Variants in SARDH observed in about 807,000 individuals in gnomAD.
SARDH encodes sarcosine dehydrogenase, mitochondrial.
SARDH carries 95 observed loss-of-function variants against 109.1 expected under a neutral mutation model. The ratio of observed to expected loss-of-function variants is 0.87; its 90% CI spans 0.74 to 1.03. The LOEUF (loss-of-function observed/expected upper bound fraction) is 1.03. SARDH is among the 50% of genes least tolerant of loss of function. The pLI is 0.00. For synonymous variants in SARDH, 572 were observed against 534.8 expected, an observed-to-expected ratio of 1.07 and a Z score of -0.96; for missense variants, 1,267 against 1,287.8, an observed-to-expected ratio of 0.98 and a Z score of 0.25.
intron 18 of SARDH, among the ~76,000 whole-genome samples, chr9:133,671,174 C>A (rs1830334048): frequency 6.6e-6 from 1 of 152,180 alleles, no homozygotes; most frequent in Non-Finnish European, 1.5e-5. Context: ...ACAGCACCTG[C>A]TCCCTGGCTC....
At chr9:133,731,202 A>G (rs1322729618) in intron 4 of SARDH, 103 bp downstream of exon 4, 2 of 1,434,540 alleles carry the variant, frequency 1.4e-6, no homozygotes, top group Admixed American at 2.0e-5. Flanking sequence ...GTCACACAGC[A>G]GTCAGAGAAT....
chr9:133,668,296 TCCC>T (rs1830148894), intron 19 of SARDH, among the ~76,000 whole-genome samples: 10 of 99,936 alleles, frequency 1.0e-4, no homozygotes, highest in African/African-American at 1.6e-4. Flanking sequence ...TCCCTCTCCC[TCCC>T]TCTCCCTCCC....
chr9:133,688,130 C>T (rs980452892), intron 16 of SARDH, among the ~76,000 whole-genome samples: 5 of 152,196 alleles, frequency 3.3e-5, no homozygotes, highest in African/African-American at 1.2e-4. Flanking sequence ...ATTCCAAGGA[C>T]CAGGCCTTGA....
At chr9:133,688,902 T>C (rs1440372781) in intron 16 of SARDH, among the ~76,000 whole-genome samples, 1 of 152,194 alleles carries the variant, frequency 6.6e-6, no homozygotes, top group African/African-American at 2.4e-5. Flanking sequence ...TCCGATTCTA[T>C]CCCTTCCTCA....
downstream of SARDH, among the ~76,000 whole-genome samples, chr9:133,659,869 G>A (rs908180533): frequency 2.0e-5 from 3 of 152,010 alleles, no homozygotes; most frequent in East Asian, 2.0e-4. Flanking sequence ...CTCTTCCCGC[G>A]ATCACACCCA....
At chr9:133,734,726 GA>G (rs1381034280) in intron 1 of SARDH, among the ~76,000 whole-genome samples, 1 of 152,222 alleles carries the variant, frequency 6.6e-6, no homozygotes, top group Non-Finnish European at 1.5e-5. Flanking sequence ...ATGGGGAGGG[GA>G]CTGAGGACAG....
At chr9:133,734,464 T>TTCATTCATTCATTCAC (rs1832814746) in intron 1 of SARDH, among the ~76,000 whole-genome samples, 1 of 150,072 alleles carries the variant, frequency 6.7e-6, no homozygotes, top group African/African-American at 2.5e-5. Context: ...CATTCACTCA[T>TTCATTCATTCATTCAC]TCATTCATTC....
upstream of SARDH, among the ~76,000 whole-genome samples, chr9:133,739,210 G>A (rs549918970): frequency 6.6e-6 from 1 of 152,320 alleles, no homozygotes; most frequent in South Asian, 2.1e-4. Flanking sequence ...TCCTCCTCGC[G>A]CTGGATCAAA....
Position 133,712,444 on chromosome 9 carries a change from C to G in SARDH, c.1328+175G>C, listed in dbSNP as rs1831956291. Among the ~76,000 whole-genome samples, 1 of 150,910 alleles carries G rather than the reference C, an allele frequency of 6.6e-6. No homozygotes were observed. Among genetic ancestry groups the G allele is most frequent in the South Asian group, 2.1e-4 (1 of 4,764 alleles). On this transcript the variant is annotated intron_variant, in intron 10 of 20. Transcript: ENST00000439388. This position sits in a 1 kb window ranked among gnomAD's most constrained non-coding sequence, Gnocchi z 4.1. ...AAAGGGGCGTGGACCTGCCCCCCAGCCACCCCCTCAGCACTGCCCACCTTC... is the reference window on the plus strand; with the variant it reads ...AAAGGGGCGTGGACCTGCCCCCCAGGCACCCCCTCAGCACTGCCCACCTTC...
intron 17 of SARDH, among the ~76,000 whole-genome samples, chr9:133,683,479 C>G (rs775814812): frequency 1.3e-5 from 2 of 152,238 alleles, no homozygotes; most frequent in Non-Finnish European, 2.9e-5. Context: ...GCGTGGACCC[C>G]GGCCTGCTGG....
downstream of SARDH, among the ~76,000 whole-genome samples, chr9:133,661,349 AC>A (rs763642944): frequency 3.4e-3 from 482 of 143,610 alleles, 2 homozygotes; most frequent in African/African-American, 0.011. Flanking sequence ...CAAAAAAAAA[AC>A]AACAACAACA....
At chr9:133,700,818 CTTCTA>C (rs1435577207) in intron 13 of SARDH, among the ~76,000 whole-genome samples, 1 of 152,172 alleles carries the variant, frequency 6.6e-6, no homozygotes, top group Non-Finnish European at 1.5e-5. Flanking sequence ...TTTTGAGAAT[CTTCTA>C]TTCTTCACTG....
rs184038895 is a variant in SARDH at position 133,680,164 on chromosome 9, C to T, written c.2163+5029G>A. 2.2e-4 allele frequency among the ~76,000 whole-genome samples: 34 copies of T among 152,290 alleles called. No individual in the cohort carries two copies. The East Asian group carries it at 3.7e-3, about 16-fold the overall frequency. On this transcript the variant is annotated intron_variant, in intron 17 of 20. Coordinates refer to ENST00000439388, the MANE Select transcript of SARDH (RefSeq NM_001134707.2). ...GTCTGGACAGACTTATGGAAAGGCCCGGAAAGAATTTTAGACATTGTGCTA... is the reference window on the plus strand; with the variant it reads ...GTCTGGACAGACTTATGGAAAGGCCTGGAAAGAATTTTAGACATTGTGCTA...
intron 10 of SARDH, 70 bp from the exon 11 acceptor site, chr9:133,708,498 A>G (rs1234884971): frequency 2.0e-6 from 3 of 1,523,236 alleles, no homozygotes; most frequent in Admixed American, 2.0e-5. Context: ...CCTAGGACCC[A>G]GGGTAAGCCT....
intron 3 of SARDH, among the ~76,000 whole-genome samples, chr9:133,731,897 C>A (rs80264584): frequency 6.6e-6 from 1 of 151,796 alleles, no homozygotes; most frequent in Non-Finnish European, 1.5e-5. Context: ...CCAGTCAGAC[C>A]AGCTGTCAAG....
At chr9:133,722,072 C>T (rs547849651) in intron 6 of SARDH, among the ~76,000 whole-genome samples, 97 of 152,224 alleles carry the variant, frequency 6.4e-4, no homozygotes, top group African/African-American at 2.1e-3. Context: ...GCCAAGATCA[C>T]ACCACTGCAC....
At chr9:133,705,109 CT>C in intron 11 of SARDH, 78 bp from the exon 12 acceptor site, 1 of 1,404,324 alleles carries the variant, frequency 7.1e-7, no homozygotes, top group East Asian at 2.5e-5. Context: ...ACATCCGCCA[CT>C]TTACACCCAA....
intron 1 of SARDH, among the ~76,000 whole-genome samples, chr9:133,735,445 CCTT>C (rs1254862357): frequency 1.3e-5 from 2 of 152,240 alleles, no homozygotes; most frequent in East Asian, 1.9e-4. Context: ...AGGGAGCCCT[CCTT>C]CTCAGGAGAG....
Position 133,704,361 on chromosome 9 carries a change from G to C in SARDH, c.1554+587C>G, listed in dbSNP as rs577957240. ...CCCTCAGCTGGCCTTAAGGCCTCGC[G>C]TCCCCTGCTCCCGAGGGTCTGGGTC... On this transcript the variant is annotated intron_variant, in intron 12 of 20. Coordinates refer to ENST00000439388, the MANE Select transcript of SARDH (RefSeq NM_001134707.2). The surrounding 1 kb of genome is among the most constrained non-coding windows in gnomAD (Gnocchi z 4.5). Among the ~76,000 whole-genome samples, 1 of 152,266 alleles carries C rather than the reference G, an allele frequency of 6.6e-6. No homozygotes were observed. Among genetic ancestry groups the C allele is most frequent in the South Asian group, 2.1e-4 (1 of 4,830 alleles).
Sources: allele counts gnomAD v4.1 joint callset (sites outside exome capture counted in the v4.1 genomes callset), GRCh38; gene constraint gnomAD v4.1.1; non-coding constraint Gnocchi (gnomAD v3.1); transcripts MANE v1.5; gene names NCBI Gene and HGNC (gene_info 2026-07-23, HGNC 2026-07-21).